Variants in SPATA6L observed in about 807,000 individuals in gnomAD.
SPATA6L encodes the protein spermatogenesis associated 6 like.
A neutral mutation model predicts 49.2 loss-of-function variants in SPATA6L; 68 were observed. The ratio of observed to expected loss-of-function variants is 1.38; its 90% CI spans 1.14 to 1.69. SPATA6L has a LOEUF of 1.69. SPATA6L is among the 40% of genes most tolerant of loss of function. SPATA6L has a pLI of 0.00. For missense variants in SPATA6L, 668 were observed against 464.3 expected, an observed-to-expected ratio of 1.44 and a Z score of -4.03; for synonymous variants, 198 against 165.7, an observed-to-expected ratio of 1.19 and a Z score of -1.50.
In SPATA6L at chr9:4,649,225, C is replaced by G. The variant is rs143800491; in HGVS notation, c.226+6816G>C. Among the ~76,000 whole-genome samples the G allele has an allele frequency of 2.0e-5, 3 of 152,292 alleles. No individual in the cohort carries two copies. In the East Asian group the frequency reaches 5.8e-4, roughly 29 times the overall value. On this transcript the variant is annotated intron_variant, in intron 3 of 11. Coordinates refer to ENST00000682582, the MANE Select transcript of SPATA6L (RefSeq NM_001353486.2). ...TTTTCATAAAATGACCTCTTTTCCTCTGGGTAGACAGATACCCTAGCAGTG... is the reference window on the plus strand; with the variant it reads ...TTTTCATAAAATGACCTCTTTTCCTGTGGGTAGACAGATACCCTAGCAGTG...
intron 3 of SPATA6L, among the ~76,000 whole-genome samples, chr9:4,654,884 G>A (rs1217636822): frequency 6.6e-6 from 1 of 152,164 alleles, no homozygotes; most frequent in Non-Finnish European, 1.5e-5. Context: ...AAGCAGGAGT[G>A]CCTGTCCTCA....
intron 3 of SPATA6L, among the ~76,000 whole-genome samples, chr9:4,645,460 T>G (rs1295914329): frequency 1.3e-5 from 2 of 152,134 alleles, no homozygotes; most frequent in South Asian, 2.1e-4. Flanking sequence ...GTGGGGACTC[T>G]GCTTAGTAGC....
At chr9:4,654,775 C>T (rs7865862) in intron 3 of SPATA6L, among the ~76,000 whole-genome samples, 10,784 of 152,122 alleles carry the variant, frequency 0.071, 874 homozygotes, top group African/African-American at 0.19. Context: ...TGTCCAGCCG[C>T]TTCTGTCTCT....
intron 9 of SPATA6L, among the ~76,000 whole-genome samples, chr9:4,607,196 T>C (rs1400437381): frequency 6.6e-6 from 1 of 151,790 alleles, no homozygotes; most frequent in Non-Finnish European, 1.5e-5. Flanking sequence ...ACGGGGAGAA[T>C]GGAACCAAGT....
chr9:4,627,838 G>A, intron 5 of SPATA6L: 1 of 1,285,112 alleles, frequency 7.8e-7, no homozygotes, highest in Non-Finnish European at 1.0e-6. Flanking sequence ...ATTCACAATA[G>A]CCAAGATTTG....
intron 5 of SPATA6L, chr9:4,626,934 C>T (rs1057032155): frequency 6.5e-6 from 1 of 153,464 alleles, no homozygotes; most frequent in Non-Finnish European, 1.5e-5. Context: ...GATGTGTGTA[C>T]AGAATATACT....
At chr9:4,605,617 C>T (rs1187299763) in intron 9 of SPATA6L, among the ~76,000 whole-genome samples, 177 bp from the exon 10 acceptor site, 2 of 152,180 alleles carry the variant, frequency 1.3e-5, no homozygotes, top group African/African-American at 4.8e-5. Context: ...AGGAAAAGCA[C>T]TGGGGAATAA....
chr9:4,625,586 A>G lies in SPATA6L; in HGVS notation c.430-20T>C. 2 of 1,446,278 alleles carry G rather than the reference A, an allele frequency of 1.4e-6. No homozygotes were observed. The highest frequency in any genetic ancestry group is 1.8e-6 in the Non-Finnish European group (2 of 1,081,356). 89.6% of individuals were successfully genotyped at this position (1,446,278 alleles called of 1,614,324 possible). ...TTCTTCCTGAAATAAACAAAAAAAGAATATTTTTTAAAATAAAGAAAGAAA... is the reference window on the plus strand; with the variant it reads ...TTCTTCCTGAAATAAACAAAAAAAGGATATTTTTTAAAATAAAGAAAGAAA... On this transcript the variant is annotated intron_variant, in intron 5 of 11. Coordinates refer to ENST00000682582, the MANE Select transcript of SPATA6L (RefSeq NM_001353486.2).
intron 3 of SPATA6L, among the ~76,000 whole-genome samples, chr9:4,655,561 T>C (rs1269546305): frequency 6.6e-6 from 1 of 152,076 alleles, no homozygotes; most frequent in Non-Finnish European, 1.5e-5. Context: ...TGTTGTTTTT[T>C]TTTTTGAGAT....
chr9:4,634,152 C>T (rs865927460), intron 4 of SPATA6L, among the ~76,000 whole-genome samples: 2 of 152,094 alleles, frequency 1.3e-5, no homozygotes, highest in South Asian at 4.1e-4. Flanking sequence ...TTGTAGATGC[C>T]TTTTCTTTAA....
chr9:4,651,275 C>T (rs1836789578), intron 3 of SPATA6L, among the ~76,000 whole-genome samples: 1 of 152,064 alleles, frequency 6.6e-6, no homozygotes, highest in Non-Finnish European at 1.5e-5. Context: ...AATGGAAAAA[C>T]TCCTAAAAAG....
In SPATA6L at chr9:4,599,533, C is replaced by G. The variant is rs1037700598; in HGVS notation, c.*1278G>C. Among the ~76,000 whole-genome samples the G allele has an allele frequency of 4.6e-5, 7 of 152,186 alleles. No individual in the cohort carries two copies. Among genetic ancestry groups the G allele is most frequent in the African/African-American group, 1.7e-4 (7 of 41,428 alleles). On this transcript the variant is annotated 3_prime_UTR_variant, in exon 12 of 12. Coordinates refer to ENST00000682582, the MANE Select transcript of SPATA6L (RefSeq NM_001353486.2). Reference sequence around the variant, plus strand: ...TATTCAGGCTGCTATAACAAAATGTCATAAACTGGGTAGCTTACAAACTAC... The same window carrying G: ...TATTCAGGCTGCTATAACAAAATGTGATAAACTGGGTAGCTTACAAACTAC...
intron 3 of SPATA6L, among the ~76,000 whole-genome samples, chr9:4,650,858 G>C (rs867378944): frequency 3.0e-4 from 24 of 79,216 alleles, no homozygotes; most frequent in African/African-American, 1.1e-3. Context: ...GTGTGTGTGT[G>C]TGTGTGTGTG....
At chr9:4,635,230 G>A (rs1445894969) in intron 4 of SPATA6L, 45 bp downstream of exon 4, 1 of 1,466,878 alleles carries the variant, frequency 6.8e-7, no homozygotes, top group African/African-American at 1.5e-5. Flanking sequence ...CAGGTCCCAA[G>A]AGTTTCTCTC....
intron 13 of SPATA6L, among the ~76,000 whole-genome samples, chr9:4,592,109 G>C (rs1821939279): frequency 1.3e-5 from 2 of 152,090 alleles, no homozygotes. Flanking sequence ...GAGGTCAGGA[G>C]TTCGAGACCA....
At chr9:4,610,350 G>A (rs1386041235) in intron 9 of SPATA6L, among the ~76,000 whole-genome samples, 2 of 148,082 alleles carry the variant, frequency 1.4e-5, no homozygotes, top group East Asian at 2.0e-4. Flanking sequence ...TCAATCCTAA[G>A]CCAAAAGAAC....
rs537696223 is a variant in SPATA6L at position 4,663,234 on chromosome 9, G to A, written c.40-1198C>T. The A allele has an allele frequency of 5.0e-6, 8 of 1,614,016 alleles. No individual in the cohort carries two copies. The South Asian group carries it at 6.6e-5, about 13-fold the overall frequency. ...CTGGCTCTCACCCCATAATGCTCCG[G>A]TCCTCTTTTTACTGTGGAGTCAACG... On this transcript the variant is annotated intron_variant, in intron 1 of 11. Coordinates refer to ENST00000682582, the MANE Select transcript of SPATA6L (RefSeq NM_001353486.2).
At position 4,661,732 on chromosome 9, in the gene SPATA6L, A is replaced by G. The variant is rs151007348; in HGVS notation, c.177+167T>C. 8.0e-5 allele frequency among the ~76,000 whole-genome samples: 6 copies of G among 75,246 alleles called. No homozygotes were observed. The East Asian group carries it at 2.4e-3, about 30-fold the overall frequency. 49.4% of individuals were successfully genotyped at this position (75,246 alleles called of 152,430 possible). A position where few individuals can be genotyped will look rare whatever the true frequency, so the allele number is the denominator to read the frequency against. ...TTGACAGAACTTGGCTCAGACCTGC[A>G]TTACAAAAGCAAGTGTTCCGACTGC... On this transcript the variant is annotated intron_variant, in intron 2 of 11. Coordinates refer to ENST00000682582, the MANE Select transcript of SPATA6L (RefSeq NM_001353486.2).
In SPATA6L at chr9:4,648,495, C is replaced by T. The variant is rs923291866; in HGVS notation, c.226+7546G>A. Among the ~76,000 whole-genome samples the T allele has an allele frequency of 1.2e-4, 18 of 149,900 alleles. 1 individual carries two copies. In the East Asian group the frequency reaches 3.3e-3, roughly 28 times the overall value. ...CGGGCGGATCACAAGGTCAGGAGATCGAGACCATCCTGGTCTAACTCGGTG... is the reference window on the plus strand; with the variant it reads ...CGGGCGGATCACAAGGTCAGGAGATTGAGACCATCCTGGTCTAACTCGGTG... On this transcript the variant is annotated intron_variant, in intron 3 of 11. Transcript: ENST00000682582.
Sources: allele counts gnomAD v4.1 joint callset (sites outside exome capture counted in the v4.1 genomes callset), GRCh38; gene constraint gnomAD v4.1.1; transcripts MANE v1.5; gene names NCBI Gene and HGNC (gene_info 2026-07-23, HGNC 2026-07-21).